Variants in IL1RAPL2 observed in about 807,000 individuals in gnomAD.
IL1RAPL2 encodes the protein interleukin 1 receptor accessory protein like 2, also known as X-linked interleukin-1 receptor accessory protein-like 2.
IL1RAPL2 carries 3 observed loss-of-function variants against 44.1 expected under a neutral mutation model. The observed-to-expected ratio is 0.07, with a 90% CI of 0.03 to 0.18. The LOEUF (loss-of-function observed/expected upper bound fraction) is 0.18. Among genes scored for constraint, IL1RAPL2 ranks in the 10% least tolerant of loss-of-function variants. IL1RAPL2 has a pLI of 1.00. For synonymous variants in IL1RAPL2, 181 were observed against 178.8 expected (o/e 1.01, Z -0.10); for missense variants, 391 against 496.4 (o/e 0.79, Z 2.02).
At chrX:104,890,344 C>G (rs1417147074) in intron 2 of IL1RAPL2, among the ~76,000 whole-genome samples, 1 of 111,549 alleles carries the variant, frequency 9.0e-6, no homozygotes, top group Non-Finnish European at 1.9e-5. Context: ...AATGGTATTT[C>G]TAGTTCTAGC....
chrX:104,907,531 C>T (rs1380746208), intron 2 of IL1RAPL2, among the ~76,000 whole-genome samples: 15 of 111,473 alleles, frequency 1.3e-4, no homozygotes, highest in African/African-American at 2.0e-4. Flanking sequence ...TCAAAGAACA[C>T]CTTTATTTCT....
At chrX:104,889,839 G>C (rs1362474470) in intron 2 of IL1RAPL2, among the ~76,000 whole-genome samples, 1 of 111,405 alleles carries the variant, frequency 9.0e-6, no homozygotes, top group Admixed American at 9.5e-5. Flanking sequence ...TAGGGTACAT[G>C]TGCACAAAGT....
chrX:104,873,620 G>T (rs1381051859), intron 2 of IL1RAPL2, among the ~76,000 whole-genome samples: 2 of 110,926 alleles, frequency 1.8e-5, no homozygotes. Context: ...GAAGAGCAAG[G>T]CGGTAAATCA....
At position 105,372,414 on chromosome X, in the gene IL1RAPL2, C is replaced by T. The variant is rs552615589; in HGVS notation, c.697+104873C>T. On this transcript the variant is annotated intron_variant, in intron 5 of 10. Coordinates refer to ENST00000372582, the MANE Select transcript of IL1RAPL2 (RefSeq NM_017416.2). ...TTGCACCACTGCACTCCAGCCTAGG[C>T]GACAGAGTGAGACCCTATCTCAAAA... is the stretch of plus-strand genomic sequence containing the variant. 2.6e-3 allele frequency among the ~76,000 whole-genome samples: 273 copies of T among 103,553 alleles called. No individual in the cohort carries two copies. The South Asian group carries it at 0.031, about 12-fold the overall frequency. The allele number at this position is 103,553 out of a possible 115,157, so 89.9% of individuals were successfully genotyped here. A position where few individuals can be genotyped will look rare whatever the true frequency, so the allele number is the denominator to read the frequency against.
chrX:105,620,830 C>T (rs1432422487), intron 6 of IL1RAPL2, among the ~76,000 whole-genome samples: 2 of 111,416 alleles, frequency 1.8e-5, no homozygotes. Flanking sequence ...TTTTGAATTA[C>T]TTTTTAAAGC....
intron 2 of IL1RAPL2, among the ~76,000 whole-genome samples, chrX:104,846,052 TTATTA>T (rs1426764528): frequency 8.9e-6 from 1 of 111,988 alleles, no homozygotes; most frequent in Non-Finnish European, 1.9e-5. Flanking sequence ...TAGATATTTG[TTATTA>T]TCTCAAAGTA....
chrX:105,228,947 G>A (rs1421572999), intron 3 of IL1RAPL2, among the ~76,000 whole-genome samples: 1 of 112,397 alleles, frequency 8.9e-6, no homozygotes, highest in African/African-American at 3.2e-5. Context: ...ACACATAGAA[G>A]TACTTGGAAA....
At chrX:104,971,791 C>T (rs1342042977) in intron 2 of IL1RAPL2, among the ~76,000 whole-genome samples, 1 of 111,160 alleles carries the variant, frequency 9.0e-6, no homozygotes, top group Non-Finnish European at 1.9e-5. Flanking sequence ...AGAGTTAATC[C>T]TATTGCTTGT....
chrX:104,734,460 C>A (rs1441691121), intron 2 of IL1RAPL2, among the ~76,000 whole-genome samples: 1 of 112,431 alleles, frequency 8.9e-6, no homozygotes, highest in East Asian at 2.8e-4. Context: ...GGACACTATT[C>A]AGCAATAAAA....
intron 2 of IL1RAPL2, among the ~76,000 whole-genome samples, chrX:104,977,119 G>A (rs1479610314): frequency 9.0e-6 from 1 of 111,537 alleles, no homozygotes; most frequent in Non-Finnish European, 1.9e-5. Context: ...GTTCAGAGGG[G>A]ACACTCACCC....
intron 2 of IL1RAPL2, among the ~76,000 whole-genome samples, chrX:104,878,443 C>T (rs966264340): frequency 8.9e-6 from 1 of 112,127 alleles, no homozygotes. Flanking sequence ...TTCAAAGATA[C>T]AGAAACTGAG....
chrX:104,688,370 A>T, intron 2 of IL1RAPL2, among the ~76,000 whole-genome samples: 1 of 111,105 alleles, frequency 9.0e-6, no homozygotes, highest in East Asian at 2.8e-4. Context: ...TTCAAGAGGG[A>T]CATGGAGTAT....
At chrX:105,537,674 TCA>T (rs1335694328) in intron 6 of IL1RAPL2, among the ~76,000 whole-genome samples, 1 of 111,812 alleles carries the variant, frequency 8.9e-6, no homozygotes, top group Non-Finnish European at 1.9e-5. Context: ...TTTATGTGTT[TCA>T]GTTTCTTAAT....
intron 2 of IL1RAPL2, among the ~76,000 whole-genome samples, chrX:105,003,813 A>T (rs958681822): frequency 1.8e-5 from 2 of 111,029 alleles, no homozygotes; most frequent in African/African-American, 6.5e-5. Flanking sequence ...ACACACTCAG[A>T]TCCATACTTG....
intron 2 of IL1RAPL2, among the ~76,000 whole-genome samples, chrX:105,073,833 T>G (rs764769731): frequency 8.9e-6 from 1 of 112,169 alleles, no homozygotes; most frequent in Admixed American, 9.5e-5. Flanking sequence ...GCTGCATAAA[T>G]GTCTTCTTTT....
At chrX:105,051,728 G>A (rs1005538692) in intron 2 of IL1RAPL2, among the ~76,000 whole-genome samples, 8 of 112,935 alleles carry the variant, frequency 7.1e-5, no homozygotes, top group Non-Finnish European at 1.5e-4. Flanking sequence ...ATGCCTCCCT[G>A]CGGTAGCCGG....
At chrX:104,581,436 T>G (rs1928343857) in intron 1 of IL1RAPL2, among the ~76,000 whole-genome samples, 1 of 112,085 alleles carries the variant, frequency 8.9e-6, no homozygotes, top group Non-Finnish European at 1.9e-5. Flanking sequence ...GTGTGCATAC[T>G]TTTCTATATG....
intron 2 of IL1RAPL2, among the ~76,000 whole-genome samples, chrX:105,159,614 T>G (rs2033303161): frequency 8.9e-6 from 1 of 112,231 alleles, no homozygotes; most frequent in Admixed American, 9.4e-5. Flanking sequence ...CCAAACACAT[T>G]CTGGAAACAC....
At chrX:105,376,037 C>T (rs2035384682) in intron 5 of IL1RAPL2, among the ~76,000 whole-genome samples, 1 of 111,620 alleles carries the variant, frequency 9.0e-6, no homozygotes, top group African/African-American at 3.3e-5. Context: ...TGCCATTAAC[C>T]CCAACTAGCT....
Sources: allele counts gnomAD v4.1 joint callset (sites outside exome capture counted in the v4.1 genomes callset), GRCh38; gene constraint gnomAD v4.1.1; transcripts MANE v1.5; gene names NCBI Gene and HGNC (gene_info 2026-07-23, HGNC 2026-07-21).